The following SULF1 variants were observed in gnomAD, a reference collection of about 807,000 sequenced individuals.
The protein encoded by SULF1 is extracellular sulfatase Sulf-1.
A neutral mutation model predicts 110.5 loss-of-function variants in SULF1; 46 were observed. The observed-to-expected ratio is 0.42, with a 90% CI of 0.33 to 0.53. The LOEUF is 0.53. SULF1 is among the 20% of genes least tolerant of loss of function. The probability of loss-of-function intolerance (pLI) is 0.12; values close to 1 mark genes in which losing one functional copy is unlikely to be tolerated. For missense variants in SULF1, 941 were observed against 1,094.2 expected, an observed-to-expected ratio of 0.86 and a Z score of 1.98; for synonymous variants, 371 against 387.1, an observed-to-expected ratio of 0.96 and a Z score of 0.49.
At chr8:69,644,606 T>C (rs1034615874) in intron 22 of SULF1, among the ~76,000 whole-genome samples, 2 of 151,378 alleles carry the variant, frequency 1.3e-5, no homozygotes, top group Admixed American at 6.6e-5. Flanking sequence ...AAACCCCGTC[T>C]GTACTAAAAA....
At chr8:69,475,239 T>C (rs990647845) in intron 1 of SULF1, among the ~76,000 whole-genome samples, 16 of 152,052 alleles carry the variant, frequency 1.1e-4, no homozygotes, top group African/African-American at 3.6e-4. Flanking sequence ...TCCTAACACA[T>C]CAGGTAGAGA....
In SULF1 at chr8:69,481,713, G is replaced by A. The variant is rs557514602; in HGVS notation, c.-390-14052G>A. On this transcript the variant is annotated intron_variant, in intron 1 of 22. Coordinates refer to the SULF1 transcript ENST00000260128. Reference sequence around the variant, plus strand: ...CTCCCACTTATAAGTGAGAACATGCGGTATTTGGTTTTCTCTTCCTGAGTT... The same window carrying A: ...CTCCCACTTATAAGTGAGAACATGCAGTATTTGGTTTTCTCTTCCTGAGTT... Among the ~76,000 whole-genome samples the A allele has an allele frequency of 5.5e-4, 83 of 152,152 alleles. No homozygotes were observed. The South Asian group carries it at 0.01, about 19-fold the overall frequency.
chr8:69,526,560 G>A (rs945473386), intron 3 of SULF1, among the ~76,000 whole-genome samples: 17 of 146,900 alleles, frequency 1.2e-4, no homozygotes, highest in Non-Finnish European at 2.1e-4. Flanking sequence ...CCAAGAATTC[G>A]AGACCAGCCT....
intron 3 of SULF1, among the ~76,000 whole-genome samples, chr8:69,556,219 G>A (rs1249844143): frequency 6.6e-6 from 1 of 152,118 alleles, no homozygotes; most frequent in South Asian, 2.1e-4. Context: ...TAATGTTTGT[G>A]GCATAGACAT....
At chr8:69,514,509 G>C (rs1296964061) in intron 3 of SULF1, among the ~76,000 whole-genome samples, 1 of 152,164 alleles carries the variant, frequency 6.6e-6, no homozygotes, top group Non-Finnish European at 1.5e-5. Context: ...GGGGTACAGA[G>C]TCAAGCCACA....
intron 13 of SULF1, among the ~76,000 whole-genome samples, chr8:69,608,404 G>T (rs766837279): frequency 1.3e-5 from 2 of 152,220 alleles, no homozygotes; most frequent in African/African-American, 2.4e-5. Context: ...CTGAGGCCGG[G>T]CACGGTGGCT....
chr8:69,570,170 G>A (rs959553795), intron 5 of SULF1, among the ~76,000 whole-genome samples: 2 of 152,118 alleles, frequency 1.3e-5, no homozygotes, highest in Non-Finnish European at 2.9e-5. Flanking sequence ...ATCAGTAAGA[G>A]CTGGGTTTGC....
intron 22 of SULF1, among the ~76,000 whole-genome samples, chr8:69,646,981 G>A (rs1052709647): frequency 8.7e-6 from 1 of 115,206 alleles, no homozygotes; most frequent in Non-Finnish European, 1.7e-5. Context: ...GTCTTGCTCT[G>A]TCACCCAGGC....
intron 12 of SULF1, 84 bp from the exon 13 acceptor site, chr8:69,604,719 G>T: frequency 6.5e-7 from 1 of 1,549,188 alleles, no homozygotes. Context: ...TCATGTGACA[G>T]GGTAAAAAAA....
At chr8:69,520,014 G>T (rs990460177) in intron 3 of SULF1, among the ~76,000 whole-genome samples, 3 of 151,836 alleles carry the variant, frequency 2.0e-5, no homozygotes, top group Non-Finnish European at 4.4e-5. Context: ...GAAGGATGAA[G>T]TCTTAAAAAT....
At chr8:69,519,201 T>C (rs1267570099) in intron 3 of SULF1, among the ~76,000 whole-genome samples, 1 of 152,168 alleles carries the variant, frequency 6.6e-6, no homozygotes, top group Non-Finnish European at 1.5e-5. Flanking sequence ...TCAAACTTTG[T>C]TTCTGTTTCT....
chr8:69,476,557 A>G (rs1398270707), intron 1 of SULF1, among the ~76,000 whole-genome samples: 27 of 152,220 alleles, frequency 1.8e-4, no homozygotes. Flanking sequence ...TTGTGGGAAT[A>G]GCATTGACCA....
intron 5 of SULF1, among the ~76,000 whole-genome samples, chr8:69,573,841 T>C (rs1358238731): frequency 6.6e-6 from 1 of 152,248 alleles, no homozygotes; most frequent in Non-Finnish European, 1.5e-5. Flanking sequence ...TAGTTACTTC[T>C]TCACCATCAG....
At chr8:69,517,414 G>C (rs971531547) in intron 3 of SULF1, among the ~76,000 whole-genome samples, 1 of 152,160 alleles carries the variant, frequency 6.6e-6, no homozygotes, top group Non-Finnish European at 1.5e-5. Flanking sequence ...GAAGAATAAA[G>C]AGTCCTTCTT....
upstream of SULF1, among the ~76,000 whole-genome samples, chr8:69,490,966 C>T (rs1280301172): frequency 6.6e-6 from 1 of 152,128 alleles, no homozygotes; most frequent in Non-Finnish European, 1.5e-5. Context: ...GCAGTAAGAT[C>T]GCTGTCATTC....
At chr8:69,584,863 C>A (rs761443481) in intron 6 of SULF1, among the ~76,000 whole-genome samples, 4 of 152,174 alleles carry the variant, frequency 2.6e-5, no homozygotes, top group African/African-American at 4.8e-5. Context: ...AAGCTAAATA[C>A]CTATCCCATA....
At chr8:69,629,465 C>A in intron 18 of SULF1, 39 bp from the exon 19 acceptor site, 1 of 1,558,340 alleles carries the variant, frequency 6.4e-7, no homozygotes, top group Non-Finnish European at 8.7e-7. Flanking sequence ...TGAGAAAGTG[C>A]CTTCTGAACA....
intron 3 of SULF1, among the ~76,000 whole-genome samples, chr8:69,554,507 C>G (rs1223116072): frequency 2.6e-5 from 4 of 151,980 alleles, no homozygotes; most frequent in Admixed American, 2.6e-4. Flanking sequence ...TTTTTATTAG[C>G]TAAAGTATTT....
intron 19 of SULF1, among the ~76,000 whole-genome samples, chr8:69,630,867 T>C (rs140466540): frequency 0.014 from 2,200 of 152,284 alleles, 58 homozygotes; most frequent in African/African-American, 0.051. Flanking sequence ...GTGCACAACG[T>C]GCAGGTTTGT....
Sources: gnomAD v4.1 joint callset for allele counts (sites outside exome capture counted in the v4.1 genomes callset) on GRCh38, gnomAD v4.1.1 for gene constraint, MANE v1.5 for transcripts, NCBI Gene and HGNC (gene_info 2026-07-23, HGNC 2026-07-21) for gene names.